The following HS2ST1 variants were observed in gnomAD, a reference collection of about 807,000 sequenced individuals.
HS2ST1 encodes the protein 2-O-sulfotransferase.
HS2ST1 carries 18 observed loss-of-function variants against 42.9 expected under a neutral mutation model. The observed-to-expected ratio is 0.42, with a 90% CI of 0.29 to 0.62. The LOEUF is 0.62. Ranked by LOEUF, HS2ST1 falls within the 20% of genes least tolerant of loss-of-function variation. The pLI, the probability that HS2ST1 is intolerant of heterozygous loss-of-function variation, is 0.21. For synonymous variants in HS2ST1, 146 were observed against 152.9 expected (o/e 0.95, Z 0.33); for missense variants, 334 against 433.8 (o/e 0.77, Z 2.04).
chr1:87,046,643 G>T, intron 1 of HS2ST1: 7 of 1,542,310 alleles, frequency 4.5e-6, no homozygotes, highest in Non-Finnish European at 6.1e-6. Flanking sequence ...GAATGCATCA[G>T]ATCAACAGAA....
chr1:86,971,010 G>C (rs930755998), intron 1 of HS2ST1, among the ~76,000 whole-genome samples: 1 of 151,992 alleles, frequency 6.6e-6, no homozygotes. Flanking sequence ...GATTATCTAG[G>C]GATAGATATC....
chr1:87,064,475 T>A (rs1240282647), intron 1 of HS2ST1: 1 of 518,704 alleles, frequency 1.9e-6, no homozygotes, highest in Admixed American at 1.9e-5. Context: ...CACTGTTAGC[T>A]CTTTTTTATA....
intron 1 of HS2ST1, among the ~76,000 whole-genome samples, chr1:87,055,873 T>G (rs1357829123): frequency 6.6e-6 from 1 of 152,194 alleles, no homozygotes; most frequent in Non-Finnish European, 1.5e-5. Context: ...AGCAATAACT[T>G]TATTAAATAT....
intron 1 of HS2ST1, chr1:87,046,387 C>T (rs1650666824): frequency 2.6e-6 from 2 of 781,166 alleles, no homozygotes; most frequent in African/African-American, 1.7e-5. Flanking sequence ...CAGAGCTGAC[C>T]CTGAAGCTGC....
chr1:87,026,746 T>A (rs1418208153), intron 1 of HS2ST1, among the ~76,000 whole-genome samples: 1 of 151,964 alleles, frequency 6.6e-6, no homozygotes, highest in African/African-American at 2.4e-5. Flanking sequence ...AGCCTCTGGA[T>A]GAATGGCAAC....
chr1:87,081,198 T>G (rs1476054093), intron 2 of HS2ST1, among the ~76,000 whole-genome samples: 1 of 152,166 alleles, frequency 6.6e-6, no homozygotes, highest in Non-Finnish European at 1.5e-5. Flanking sequence ...ATCTGCAGCT[T>G]ACACCAAATG....
chr1:86,947,952 A>C (rs1250769746), intron 1 of HS2ST1, among the ~76,000 whole-genome samples: 1 of 152,148 alleles, frequency 6.6e-6, no homozygotes, highest in Non-Finnish European at 1.5e-5. Flanking sequence ...GTAGGTTGTG[A>C]GTACTTCATG....
chr1:86,994,442 G>A (rs944264481), intron 1 of HS2ST1, among the ~76,000 whole-genome samples: 1 of 152,018 alleles, frequency 6.6e-6, no homozygotes, highest in Admixed American at 6.5e-5. Context: ...AGTTTACTAG[G>A]CCCCATAGTG....
intron 1 of HS2ST1, among the ~76,000 whole-genome samples, chr1:86,932,777 G>C (rs1660571023): frequency 6.6e-6 from 1 of 152,118 alleles, no homozygotes; most frequent in Non-Finnish European, 1.5e-5. Context: ...GGTTATTGTG[G>C]TAAACCTGTC....
chr1:87,080,388 T>A (rs574663535), intron 2 of HS2ST1, among the ~76,000 whole-genome samples: 13 of 152,156 alleles, frequency 8.5e-5, no homozygotes, highest in Non-Finnish European at 1.8e-4. Flanking sequence ...AGCTTTGAGA[T>A]GTTGGAGAGA....
chr1:87,029,526 C>A (rs1650173646), intron 1 of HS2ST1, among the ~76,000 whole-genome samples: 1 of 151,996 alleles, frequency 6.6e-6, no homozygotes, highest in African/African-American at 2.4e-5. Flanking sequence ...AAATGAGAGA[C>A]AAAATTGTAC....
chr1:86,951,950 A>T (rs1647532560), intron 1 of HS2ST1, among the ~76,000 whole-genome samples: 1 of 152,240 alleles, frequency 6.6e-6, no homozygotes, highest in Non-Finnish European at 1.5e-5. Context: ...ATGAAATTGC[A>T]GGAATTCAGT....
intron 1 of HS2ST1, among the ~76,000 whole-genome samples, chr1:86,975,763 A>G (rs1485108636): frequency 7.9e-5 from 12 of 152,150 alleles, no homozygotes; most frequent in East Asian, 5.8e-4. Flanking sequence ...GTAAATCTTT[A>G]TATGTATTTA....
chr1:87,040,424 T>C (rs1650490816), intron 1 of HS2ST1, among the ~76,000 whole-genome samples: 1 of 152,106 alleles, frequency 6.6e-6, no homozygotes, highest in Non-Finnish European at 1.5e-5. Context: ...ATTCTGCCCG[T>C]CTTTGAAGTA....
chr1:86,937,062 G>T (rs879555939), intron 1 of HS2ST1, among the ~76,000 whole-genome samples: 1 of 151,534 alleles, frequency 6.6e-6, no homozygotes, highest in Non-Finnish European at 1.5e-5. Flanking sequence ...CTGAGATCAC[G>T]CTACTGCACT....
intron 1 of HS2ST1, among the ~76,000 whole-genome samples, chr1:87,028,641 T>C (rs1277388389): frequency 6.6e-6 from 1 of 152,218 alleles, no homozygotes; most frequent in Non-Finnish European, 1.5e-5. Context: ...TAACAGTGGG[T>C]ATATACCATA....
intron 1 of HS2ST1, among the ~76,000 whole-genome samples, chr1:87,067,460 G>T (rs1327025698): frequency 6.6e-6 from 1 of 152,050 alleles, no homozygotes; most frequent in Non-Finnish European, 1.5e-5. Context: ...TGTAGATTCT[G>T]GGTATTAGCC....
intron 1 of HS2ST1, among the ~76,000 whole-genome samples, chr1:87,021,279 C>T (rs1243676357): frequency 6.6e-6 from 1 of 152,150 alleles, no homozygotes; most frequent in Non-Finnish European, 1.5e-5. Flanking sequence ...GTAAGAAGTA[C>T]GCAGTTTAGA....
intron 1 of HS2ST1, among the ~76,000 whole-genome samples, chr1:86,945,757 C>A (rs78958991): frequency 0.023 from 3,426 of 152,200 alleles, 124 homozygotes; most frequent in African/African-American, 0.078. Context: ...AAAAAGACTG[C>A]ATTTATTTTG....
Sources: gnomAD v4.1 joint callset for allele counts (sites outside exome capture counted in the v4.1 genomes callset) on GRCh38, gnomAD v4.1.1 for gene constraint, MANE v1.5 for transcripts, NCBI Gene and HGNC (gene_info 2026-07-23, HGNC 2026-07-21) for gene names.